YIPF4: variants seen among roughly 807,000 people sequenced by gnomAD.
The protein encoded by YIPF4 is Yip1 domain family member 4.
Under a neutral mutation model 29.4 loss-of-function variants are expected in YIPF4, and 18 were observed. The ratio of observed to expected loss-of-function variants is 0.61; its 90% CI spans 0.42 to 0.91. The LOEUF (loss-of-function observed/expected upper bound fraction) is 0.91, where lower values mean the gene tolerates loss of function less well. Among genes scored for constraint, YIPF4 ranks in the 40% least tolerant of loss-of-function variants. The pLI is 0.00. For missense variants in YIPF4, 279 were observed against 282.7 expected (o/e 0.99, Z 0.09); for synonymous variants, 115 against 104.7 (o/e 1.10, Z -0.60).
In YIPF4 at chr2:32,307,398, A is replaced by G. The variant is rs149568516; in HGVS notation, c.*1772A>G. The G allele has an allele frequency of 7.1e-3, 1,281 of 181,258 alleles. 7 individuals are homozygous for G. Among genetic ancestry groups the G allele is most frequent in the Non-Finnish European group, 0.011 (923 of 81,694 alleles). The allele number at this position is 181,258 out of a possible 1,614,324, so 11.2% of individuals were successfully genotyped here. On this transcript the variant is annotated 3_prime_UTR_variant, in exon 6 of 6. Coordinates refer to ENST00000238831, the MANE Select transcript of YIPF4 (RefSeq NM_032312.4). ...AAAAATGGTTTAATTTTTAAAAACT[A>G]TCATTGCTTTAAGGTATGAATTTTA... is the stretch of plus-strand genomic sequence containing the variant.
Position 32,306,127 on chromosome 2 carries a change from T to G in YIPF4, c.*501T>G, listed in dbSNP as rs1484322929. 2 of 768,252 alleles carry G rather than the reference T, an allele frequency of 2.6e-6. No individual in the cohort carries two copies. The highest frequency in any genetic ancestry group is 2.1e-5 in the African/African-American group (1 of 48,658). The allele number at this position is 768,252 out of a possible 1,614,324, so 47.6% of individuals were successfully genotyped here. On this transcript the variant is annotated 3_prime_UTR_variant, in exon 6 of 6. Transcript: ENST00000238831. ...CTGATAAACATTAAGATATTAAATCTGATGCACAAACTTTTTAATTTGGCC... is the reference window on the plus strand; with the variant it reads ...CTGATAAACATTAAGATATTAAATCGGATGCACAAACTTTTTAATTTGGCC...
At chr2:32,299,014 A>C (rs1202862817) in intron 4 of YIPF4, among the ~76,000 whole-genome samples, 1 of 151,944 alleles carries the variant, frequency 6.6e-6, no homozygotes, top group African/African-American at 2.4e-5. Flanking sequence ...AGTAGCTAGG[A>C]TTACAAGCAC....
chr2:32,301,252 T>A lies in YIPF4; in HGVS notation c.484-130T>A. On this transcript the variant is annotated intron_variant, in intron 4 of 5. Coordinates refer to ENST00000238831, the MANE Select transcript of YIPF4 (RefSeq NM_032312.4). ...ATATGATATTTTGAAATAATGAGTA[T>A]AATAGTTTATGATTTCTTCTTAATG... 6.3e-6 allele frequency: 4 copies of A among 634,904 alleles called. No individual in the cohort carries two copies. The South Asian group carries it at 8.1e-5, about 13-fold the overall frequency. The allele number at this position is 634,904 out of a possible 1,614,324, so 39.3% of individuals were successfully genotyped here.
At chr2:32,280,545 AT>A (rs547482934) in intron 1 of YIPF4, among the ~76,000 whole-genome samples, 7 of 145,934 alleles carry the variant, frequency 4.8e-5, no homozygotes, top group African/African-American at 5.0e-5. Context: ...CGCGCGGCTA[AT>A]TTTTTTTTTG....
chr2:32,282,445 G>C (rs923415043), intron 1 of YIPF4, among the ~76,000 whole-genome samples: 5 of 152,046 alleles, frequency 3.3e-5, no homozygotes, highest in Admixed American at 2.6e-4. Flanking sequence ...GTTTTGTTTT[G>C]TTTTTGAGAC....
At chr2:32,280,607 C>G (rs2030363243) in intron 1 of YIPF4, among the ~76,000 whole-genome samples, 1 of 152,040 alleles carries the variant, frequency 6.6e-6, no homozygotes, top group African/African-American at 2.4e-5. Flanking sequence ...TGGTCTCGAT[C>G]TCCTGACCTC....
chr2:32,307,236 CT>C lies in YIPF4; in HGVS notation c.*1613del. On this transcript the variant is annotated 3_prime_UTR_variant, in exon 6 of 6. Coordinates refer to ENST00000238831, the MANE Select transcript of YIPF4 (RefSeq NM_032312.4). ...ACTTAAGAAATTGCTGAGGTTAATA[CT>C]TTGTTATAATGGATTATAATATTTG... The C allele has an allele frequency of 1.1e-6, 1 of 905,268 alleles. No individual in the cohort carries two copies. Among genetic ancestry groups the C allele is most frequent in the South Asian group, 1.7e-5 (1 of 59,402 alleles). The allele number at this position is 905,268 out of a possible 1,614,324, so 56.1% of individuals were successfully genotyped here.
chr2:32,286,510 A>C (rs2030676754), intron 1 of YIPF4, among the ~76,000 whole-genome samples: 1 of 152,222 alleles, frequency 6.6e-6, no homozygotes, highest in African/African-American at 2.4e-5. Flanking sequence ...ATGATTAAAA[A>C]TATAACCTAA....
At chr2:32,281,806 A>C (rs1451503619) in intron 1 of YIPF4, among the ~76,000 whole-genome samples, 2 of 151,456 alleles carry the variant, frequency 1.3e-5, no homozygotes, top group Non-Finnish European at 2.9e-5. Flanking sequence ...GAGGCAGGAG[A>C]ATCACTTGAA....
chr2:32,293,836 C>A (rs1481093766), intron 3 of YIPF4, among the ~76,000 whole-genome samples: 2 of 146,790 alleles, frequency 1.4e-5, no homozygotes, highest in Non-Finnish European at 1.5e-5. Flanking sequence ...GCTGGCCAGG[C>A]GGGGGGCTGA....
At position 32,293,737 on chromosome 2, in the gene YIPF4, C is replaced by T. The variant is rs568315035; in HGVS notation, c.405+1389C>T. On this transcript the variant is annotated intron_variant, in intron 3 of 5. Transcript: ENST00000238831. ...GCGGGGGGCTGACCCCCCAACCTCC[C>T]GGACGGGGCGGCTGGCCGGGCAGAG... 5.1e-3 allele frequency among the ~76,000 whole-genome samples: 770 copies of T among 151,318 alleles called. 3 individuals carry two copies. The highest frequency in any genetic ancestry group is 0.017 in the African/African-American group (708 of 41,030).
At chr2:32,297,048 C>T (rs901486594) in intron 3 of YIPF4, among the ~76,000 whole-genome samples, 1 of 152,040 alleles carries the variant, frequency 6.6e-6, no homozygotes, top group African/African-American at 2.4e-5. Flanking sequence ...TGAGTACTTC[C>T]TTTCCTTCTT....
intron 1 of YIPF4, among the ~76,000 whole-genome samples, chr2:32,281,760 G>T (rs112938699): frequency 6.6e-6 from 1 of 151,834 alleles, no homozygotes; most frequent in African/African-American, 2.4e-5. Context: ...ATGGTGGCAC[G>T]CACCTGCAAT....
At chr2:32,285,338 T>C (rs2030617738) in intron 1 of YIPF4, among the ~76,000 whole-genome samples, 1 of 152,156 alleles carries the variant, frequency 6.6e-6, no homozygotes, top group Admixed American at 6.5e-5. Context: ...TTAGATGCCT[T>C]TGAGATAGAT....
chr2:32,313,619 A>G lies in YIPF4; in HGVS notation c.*7993A>G, dbSNP rs571528922. 2.9e-3 allele frequency: 437 copies of G among 151,790 alleles called. 6 individuals carry two copies. Among genetic ancestry groups the G allele is most frequent in the South Asian group, 0.017 (81 of 4,796 alleles). 9.4% of individuals were successfully genotyped at this position (151,790 alleles called of 1,614,324 possible). A position where few individuals can be genotyped will look rare whatever the true frequency, so the allele number is the denominator to read the frequency against. On this transcript the variant is annotated 3_prime_UTR_variant, in exon 6 of 6. Coordinates refer to ENST00000238831, the MANE Select transcript of YIPF4 (RefSeq NM_032312.4). ...AACCTCCGGTGATCTGCCCACCTCA[A>G]CCTCCCAAAGTGCTGGGATTACAGG...
chr2:32,316,348 T>C lies in YIPF4; in HGVS notation c.*10722T>C, dbSNP rs2031833709. 6.6e-6 allele frequency: 1 copy of C among 152,132 alleles called. No individual in the cohort carries two copies. 9.4% of individuals were successfully genotyped at this position (152,132 alleles called of 1,614,324 possible). A position where few individuals can be genotyped will look rare whatever the true frequency, so the allele number is the denominator to read the frequency against. ...GGGAGGGTAAAAAGACCAACTAATA[T>C]ATGTAAAGATGCACAAATTCATTCA... is the stretch of plus-strand genomic sequence containing the variant. On this transcript the variant is annotated 3_prime_UTR_variant, in exon 6 of 6. Coordinates refer to ENST00000238831, the MANE Select transcript of YIPF4 (RefSeq NM_032312.4).
At chr2:32,281,926 G>T (rs534427316) in intron 1 of YIPF4, among the ~76,000 whole-genome samples, 1 of 148,768 alleles carries the variant, frequency 6.7e-6, no homozygotes, top group Non-Finnish European at 1.5e-5. Flanking sequence ...GGCAACCATG[G>T]TAGTGCACAC....
In YIPF4 at chr2:32,308,067, A is replaced by T. The variant is rs1264644290; in HGVS notation, c.*2441A>T. 1.3e-5 allele frequency: 2 copies of T among 152,036 alleles called. No homozygotes were observed. The highest frequency in any genetic ancestry group is 2.9e-5 in the Non-Finnish European group (2 of 68,008). The allele number at this position is 152,036 out of a possible 1,614,324, so 9.4% of individuals were successfully genotyped here. ...TATATAATAATATTTTCTGAGTCAT[A>T]ACTAATTTTTTAAATAATGATTTCC... On this transcript the variant is annotated 3_prime_UTR_variant, in exon 6 of 6. Transcript: ENST00000238831.
At chr2:32,278,306 G>A (rs1573519542) in intron 1 of YIPF4, 72 bp downstream of exon 1, 2 of 1,432,384 alleles carry the variant, frequency 1.4e-6, no homozygotes, top group South Asian at 1.3e-5. Flanking sequence ...TCTTTCTGGT[G>A]CCGAGGTGGT....
Sources: gnomAD v4.1 joint callset for allele counts (sites outside exome capture counted in the v4.1 genomes callset) on GRCh38, gnomAD v4.1.1 for gene constraint, MANE v1.5 for transcripts, NCBI Gene and HGNC (gene_info 2026-07-23, HGNC 2026-07-21) for gene names.